The following SGCZ variants were observed in gnomAD, a reference collection of about 807,000 sequenced individuals.
SGCZ encodes zeta-sarcoglycan.
Under a neutral mutation model 41.3 loss-of-function variants are expected in SGCZ, and 40 were observed. That is an observed-to-expected ratio of 0.97 (90% CI 0.75 to 1.26). SGCZ has a LOEUF of 1.26. Ranked by LOEUF, SGCZ falls within the 50% of genes most tolerant of loss-of-function variation. SGCZ has a pLI of 0.00. For missense variants in SGCZ, 552 were observed against 369.8 expected, an observed-to-expected ratio of 1.49 and a Z score of -4.04; for synonymous variants, 206 against 137.5, an observed-to-expected ratio of 1.50 and a Z score of -3.49.
intron 4 of SGCZ, 141 bp downstream of exon 4, chr8:14,237,451 T>G: frequency 1.3e-6 from 1 of 770,742 alleles, no homozygotes; most frequent in South Asian, 1.8e-5. Context: ...CAAAGTGCAC[T>G]CCAGCCTGGT....
chr8:14,173,304 G>A (rs915495069), intron 4 of SGCZ, among the ~76,000 whole-genome samples: 1 of 151,942 alleles, frequency 6.6e-6, no homozygotes, highest in Non-Finnish European at 1.5e-5. Context: ...ATATGCTAGA[G>A]TTAGCAAAGA....
At chr8:14,371,769 G>C (rs1803916493) in intron 2 of SGCZ, among the ~76,000 whole-genome samples, 1 of 152,082 alleles carries the variant, frequency 6.6e-6, no homozygotes, top group Non-Finnish European at 1.5e-5. Context: ...CAGGTTTAGG[G>C]TGACAAATAA....
At chr8:14,941,522 A>AT (rs1382515175) in intron 1 of SGCZ, among the ~76,000 whole-genome samples, 6 of 152,114 alleles carry the variant, frequency 3.9e-5, no homozygotes, top group Non-Finnish European at 2.9e-5. Context: ...CAGCCTCTTA[A>AT]TCCCCTACAC....
intron 1 of SGCZ, among the ~76,000 whole-genome samples, chr8:14,555,256 G>A (rs1803999413): frequency 6.6e-6 from 1 of 152,020 alleles, no homozygotes; most frequent in Admixed American, 6.6e-5. Flanking sequence ...CTCTACTCAT[G>A]TCCAAGTGAT....
At chr8:14,169,493 G>T (rs1162073291) in intron 4 of SGCZ, among the ~76,000 whole-genome samples, 2 of 152,086 alleles carry the variant, frequency 1.3e-5, no homozygotes, top group Admixed American at 6.6e-5. Flanking sequence ...TCTTTTAGGA[G>T]AATCTGACAC....
intron 2 of SGCZ, among the ~76,000 whole-genome samples, chr8:14,359,822 A>G (rs35588736): frequency 6.6e-6 from 1 of 151,778 alleles, no homozygotes; most frequent in Non-Finnish European, 1.5e-5. Flanking sequence ...AAAGAAAAAA[A>G]AAAAAAACAA....
intron 1 of SGCZ, among the ~76,000 whole-genome samples, chr8:15,184,528 T>C (rs570235165): frequency 7.9e-6 from 1 of 126,526 alleles, no homozygotes; most frequent in African/African-American, 2.5e-5. Flanking sequence ...TCTTTTGTCC[T>C]ACACCAGGCC....
intron 5 of SGCZ, among the ~76,000 whole-genome samples, chr8:14,150,875 A>C (rs891695392): frequency 1.3e-5 from 2 of 152,172 alleles, no homozygotes; most frequent in Admixed American, 1.3e-4. Context: ...ACTTGCATCA[A>C]CGTGGATGGA....
intron 4 of SGCZ, among the ~76,000 whole-genome samples, chr8:14,203,669 A>G (rs528941129): frequency 6.6e-6 from 1 of 152,310 alleles, no homozygotes; most frequent in East Asian, 1.9e-4. Context: ...GAGCACCACA[A>G]TCCATTGCTA....
intron 2 of SGCZ, among the ~76,000 whole-genome samples, chr8:14,462,416 C>T (rs114799977): frequency 0.012 from 1,832 of 152,008 alleles, 44 homozygotes; most frequent in African/African-American, 0.041. Context: ...TACACTCATA[C>T]GGTTGTGCTA....
intron 3 of SGCZ, among the ~76,000 whole-genome samples, chr8:14,264,235 A>G (rs931364343): frequency 1.3e-5 from 2 of 152,128 alleles, no homozygotes; most frequent in East Asian, 1.9e-4. Context: ...CCATCCCTCA[A>G]TTTTAGGCAG....
intron 1 of SGCZ, among the ~76,000 whole-genome samples, chr8:15,027,399 A>C (rs923896840): frequency 6.9e-4 from 1 of 1,444 alleles, no homozygotes; most frequent in Non-Finnish European, 0.021. Context: ...GTTGGCTCAA[A>C]TAAAAAAAGA....
At chr8:14,613,630 G>A (rs1806000193) in intron 1 of SGCZ, among the ~76,000 whole-genome samples, 1 of 151,972 alleles carries the variant, frequency 6.6e-6, no homozygotes, top group South Asian at 2.1e-4. Context: ...AATTTGCAGG[G>A]GTATACGCCA....
intron 1 of SGCZ, among the ~76,000 whole-genome samples, chr8:14,952,313 T>C (rs1447586629): frequency 1.3e-5 from 2 of 152,154 alleles, no homozygotes; most frequent in African/African-American, 4.8e-5. Context: ...TTTGAAGTTA[T>C]ATCTATATAT....
At chr8:15,107,830 T>C (rs1192751549) in intron 1 of SGCZ, among the ~76,000 whole-genome samples, 3 of 152,168 alleles carry the variant, frequency 2.0e-5, no homozygotes, top group African/African-American at 7.2e-5. Context: ...ATTTCTTCCA[T>C]TGCCATAGAT....
intron 1 of SGCZ, among the ~76,000 whole-genome samples, chr8:14,773,996 G>T (rs1390165707): frequency 1.3e-5 from 2 of 152,108 alleles, no homozygotes; most frequent in Non-Finnish European, 2.9e-5. Context: ...TAAAGCAAGG[G>T]GAGTGACAAC....
At chr8:14,521,390 C>A (rs899518355) in intron 2 of SGCZ, among the ~76,000 whole-genome samples, 1 of 152,028 alleles carries the variant, frequency 6.6e-6, no homozygotes, top group Non-Finnish European at 1.5e-5. Context: ...TGATAGTAAT[C>A]TGTACAACAA....
intron 3 of SGCZ, among the ~76,000 whole-genome samples, chr8:14,240,546 C>A (rs1215421903): frequency 2.6e-5 from 4 of 151,882 alleles, no homozygotes; most frequent in African/African-American, 9.7e-5. Flanking sequence ...GTGATAGCAC[C>A]AATAATCTTT....
intron 1 of SGCZ, among the ~76,000 whole-genome samples, chr8:14,682,120 C>G (rs1298738720): frequency 6.6e-6 from 1 of 151,964 alleles, no homozygotes; most frequent in Non-Finnish European, 1.5e-5. Flanking sequence ...TGTAGTGATG[C>G]TTCAAGCATG....
Sources: gnomAD v4.1 joint callset for allele counts (sites outside exome capture counted in the v4.1 genomes callset) on GRCh38, gnomAD v4.1.1 for gene constraint, MANE v1.5 for transcripts, NCBI Gene and HGNC (gene_info 2026-07-23, HGNC 2026-07-21) for gene names.